LRMDA: variants seen among roughly 807,000 people sequenced by gnomAD.
LRMDA encodes the protein leucine rich melanocyte differentiation associated.
A neutral mutation model predicts 29.8 loss-of-function variants in LRMDA; 18 were observed. The ratio of observed to expected loss-of-function variants is 0.60; its 90% CI spans 0.42 to 0.90. The LOEUF (loss-of-function observed/expected upper bound fraction) is 0.90. Ranked by LOEUF, LRMDA falls within the 40% of genes least tolerant of loss-of-function variation. The pLI is 0.00. For synonymous variants in LRMDA, 125 were observed against 109.4 expected (o/e 1.14, Z -0.89); for missense variants, 273 against 273.9 (o/e 1.00, Z 0.02).
Position 76,549,478 on chromosome 10 carries a change from G to T in LRMDA, c.602-7731G>T, listed in dbSNP as rs561529370. 5.3e-5 allele frequency among the ~76,000 whole-genome samples: 8 copies of T among 152,284 alleles called. No homozygotes were observed. In the East Asian group the frequency reaches 5.8e-4, roughly 11 times the overall value. On this transcript the variant is annotated intron_variant, in intron 6 of 6. Coordinates refer to ENST00000611255, the MANE Select transcript of LRMDA (RefSeq NM_001305581.2). ...CAAATGCCCTCTTGTCAAAAGGATA[G>T]GTTGCCTGGCATTTTTGCTAGCTTT...
At chr10:75,877,189 G>A (rs933542768) in intron 2 of LRMDA, among the ~76,000 whole-genome samples, 3 of 152,208 alleles carry the variant, frequency 2.0e-5, no homozygotes, top group Non-Finnish European at 4.4e-5. Flanking sequence ...GCATGACCAG[G>A]ATTGGTGGAA....
At chr10:76,341,729 G>A (rs759235207) in intron 6 of LRMDA, among the ~76,000 whole-genome samples, 3 of 152,176 alleles carry the variant, frequency 2.0e-5, no homozygotes, top group Non-Finnish European at 4.4e-5. Flanking sequence ...GATGCTGGCT[G>A]TTGGCTAAGG....
chr10:75,960,378 A>T (rs917005313), intron 2 of LRMDA, among the ~76,000 whole-genome samples: 2 of 142,862 alleles, frequency 1.4e-5, no homozygotes, highest in East Asian at 3.9e-4. Flanking sequence ...AAAAACCCAC[A>T]AATGGCTGCA....
intron 6 of LRMDA, among the ~76,000 whole-genome samples, chr10:76,497,988 A>G (rs1030562017): frequency 3.9e-5 from 3 of 76,010 alleles, no homozygotes; most frequent in African/African-American, 9.6e-5. Context: ...TTCAGAACAA[A>G]TTAGTTAAGA....
chr10:76,054,685 A>T (rs558318207), intron 4 of LRMDA, among the ~76,000 whole-genome samples: 1 of 151,650 alleles, frequency 6.6e-6, no homozygotes, highest in Admixed American at 6.6e-5. Context: ...CTGTCTGTAC[A>T]TGTCTTTATT....
chr10:76,542,791 T>C (rs940300995), intron 6 of LRMDA, among the ~76,000 whole-genome samples: 15 of 152,230 alleles, frequency 9.9e-5, no homozygotes, highest in African/African-American at 2.9e-4. Context: ...CCTTGACATA[T>C]TGATGGCCCC....
At chr10:76,178,869 C>T (rs936062314) in intron 5 of LRMDA, among the ~76,000 whole-genome samples, 1 of 152,186 alleles carries the variant, frequency 6.6e-6, no homozygotes, top group African/African-American at 2.4e-5. Context: ...CTCATTCCAG[C>T]TCTGTGTGAT....
At chr10:75,891,267 A>G (rs998605648) in intron 2 of LRMDA, among the ~76,000 whole-genome samples, 4 of 152,324 alleles carry the variant, frequency 2.6e-5, no homozygotes, top group Non-Finnish European at 5.9e-5. Flanking sequence ...TACTGCAGAC[A>G]TGTGTCTTAT....
intron 2 of LRMDA, among the ~76,000 whole-genome samples, chr10:75,887,141 A>T (rs183842105): frequency 4.9e-4 from 74 of 150,466 alleles, no homozygotes; most frequent in African/African-American, 1.7e-3. Flanking sequence ...GTATATATAC[A>T]TTTATACATA....
intron 6 of LRMDA, chr10:76,464,899 A>G (rs1001641048): frequency 6.6e-6 from 1 of 152,180 alleles, no homozygotes; most frequent in Non-Finnish European, 1.5e-5. Flanking sequence ...GGAAGACAAT[A>G]GGGCACATGA....
chr10:76,067,496 G>T (rs570519408), intron 5 of LRMDA, among the ~76,000 whole-genome samples: 1 of 152,264 alleles, frequency 6.6e-6, no homozygotes, highest in African/African-American at 2.4e-5. Context: ...TAAGAAATTG[G>T]GTTCTGGAGA....
intron 2 of LRMDA, among the ~76,000 whole-genome samples, chr10:75,572,559 C>A (rs1024426322): frequency 7.2e-5 from 11 of 152,152 alleles, no homozygotes; most frequent in African/African-American, 2.7e-4. Context: ...CTGCCAAGTA[C>A]ACTATTAATT....
chr10:76,343,190 G>C lies in LRMDA; in HGVS notation c.601+18705G>C, dbSNP rs181351397. 2.1e-3 allele frequency among the ~76,000 whole-genome samples: 327 copies of C among 152,246 alleles called. 10 individuals carry two copies. The highest frequency in any genetic ancestry group is 0.019 in the Admixed American group (297 of 15,272). On this transcript the variant is annotated intron_variant, in intron 6 of 6. Transcript: ENST00000611255. ...ATTTAAACTGTTGCAGGGTATGGAA[G>C]TACTACTTTACTCTTACAGAAGTAT...
intron 2 of LRMDA, among the ~76,000 whole-genome samples, chr10:75,676,840 G>A (rs1364210035): frequency 6.6e-6 from 1 of 151,984 alleles, no homozygotes; most frequent in African/African-American, 2.4e-5. Flanking sequence ...TGGAGGTGTG[G>A]CTCTTCACAT....
At chr10:75,817,874 G>A (rs181285550) in intron 2 of LRMDA, among the ~76,000 whole-genome samples, 112 of 152,316 alleles carry the variant, frequency 7.4e-4, no homozygotes, top group African/African-American at 2.4e-3. Flanking sequence ...ATTATCTCAC[G>A]TAAGAGTAAG....
At chr10:75,746,727 TG>T (rs201048376) in intron 2 of LRMDA, among the ~76,000 whole-genome samples, 11 of 151,692 alleles carry the variant, frequency 7.3e-5, no homozygotes, top group South Asian at 4.2e-4. Flanking sequence ...GTGCTATTTT[TG>T]GGGGGGGAGC....
intron 6 of LRMDA, among the ~76,000 whole-genome samples, chr10:76,471,810 A>T (rs1001873151): frequency 4.0e-5 from 6 of 151,750 alleles, no homozygotes; most frequent in Non-Finnish European, 8.9e-5. Context: ...AAGACAGAAA[A>T]AGTTACTAGA....
At chr10:75,805,801 A>G (rs1008447943) in intron 2 of LRMDA, among the ~76,000 whole-genome samples, 5 of 152,092 alleles carry the variant, frequency 3.3e-5, no homozygotes, top group Non-Finnish European at 2.9e-5. Context: ...TCCCGTTTTC[A>G]TCATTGGGAT....
At chr10:76,412,515 G>T (rs1052418335) in intron 6 of LRMDA, among the ~76,000 whole-genome samples, 5 of 152,132 alleles carry the variant, frequency 3.3e-5, no homozygotes, top group African/African-American at 7.2e-5. Context: ...ACACAAAAAA[G>T]AGTTCATCTC....
Sources: allele counts gnomAD v4.1 joint callset (sites outside exome capture counted in the v4.1 genomes callset), GRCh38; gene constraint gnomAD v4.1.1; transcripts MANE v1.5; gene names NCBI Gene and HGNC (gene_info 2026-07-23, HGNC 2026-07-21).